Variants in PCSK5 observed in about 807,000 individuals in gnomAD.
PCSK5 encodes the protein prohormone convertase 5.
Under a neutral mutation model 233.2 loss-of-function variants are expected in PCSK5, and 129 were observed. The observed-to-expected ratio is 0.55, with a 90% CI of 0.48 to 0.64. The LOEUF is 0.64. Among genes scored for constraint, PCSK5 ranks in the 30% least tolerant of loss-of-function variants. PCSK5 has a pLI of 0.00. For synonymous variants in PCSK5, 825 were observed against 879.2 expected (o/e 0.94, Z 1.09); for missense variants, 2,076 against 2,430.1 (o/e 0.85, Z 3.06).
At chr9:76,307,903 G>A (rs144568341) in intron 28 of PCSK5, among the ~76,000 whole-genome samples, 45 of 152,154 alleles carry the variant, frequency 3.0e-4, no homozygotes, top group Non-Finnish European at 1.3e-4. Flanking sequence ...GGAGTGAAGA[G>A]AAATGGTCAT....
At chr9:76,135,320 G>A (rs1283597935) in intron 10 of PCSK5, among the ~76,000 whole-genome samples, 4 of 151,716 alleles carry the variant, frequency 2.6e-5, no homozygotes, top group Admixed American at 2.6e-4. Flanking sequence ...ATTTATTATA[G>A]ACTCATGCTG....
At chr9:75,929,004 C>T (rs535960670) in intron 1 of PCSK5, among the ~76,000 whole-genome samples, 150 of 152,084 alleles carry the variant, frequency 9.9e-4, no homozygotes, top group African/African-American at 3.4e-3. Context: ...GGCACGATCT[C>T]GGCCCACTGC....
chr9:76,137,508 G>T (rs968892445), intron 10 of PCSK5, among the ~76,000 whole-genome samples: 1 of 151,884 alleles, frequency 6.6e-6, no homozygotes, highest in African/African-American at 2.4e-5. Flanking sequence ...ATCTTTTCTG[G>T]TAGATTAGTT....
chr9:76,237,952 A>C (rs1826301909), intron 22 of PCSK5, among the ~76,000 whole-genome samples: 1 of 152,212 alleles, frequency 6.6e-6, no homozygotes, highest in Admixed American at 6.5e-5. Flanking sequence ...GGTTAGTGCT[A>C]TCTTTATCCA....
At chr9:75,951,985 A>G (rs1219879636) in intron 2 of PCSK5, among the ~76,000 whole-genome samples, 1 of 152,198 alleles carries the variant, frequency 6.6e-6, no homozygotes, top group Non-Finnish European at 1.5e-5. Context: ...ACAAATTTCA[A>G]CCATACAGCC....
At chr9:76,116,025 T>A (rs2131702595) in intron 9 of PCSK5, among the ~76,000 whole-genome samples, 1 of 152,244 alleles carries the variant, frequency 6.6e-6, no homozygotes, top group South Asian at 2.1e-4. Flanking sequence ...GTTTTTGTAT[T>A]AACTGATACC....
chr9:76,000,169 T>C (rs1244370157), intron 3 of PCSK5, among the ~76,000 whole-genome samples: 2 of 152,178 alleles, frequency 1.3e-5, no homozygotes, highest in Non-Finnish European at 2.9e-5. Context: ...TTTTTTCTCC[T>C]TTGAAAATTT....
intron 24 of PCSK5, among the ~76,000 whole-genome samples, chr9:76,250,574 A>G (rs1293065340): frequency 6.6e-6 from 1 of 152,222 alleles, no homozygotes; most frequent in African/African-American, 2.4e-5. Context: ...AAAATATCAG[A>G]CAAATCCCAA....
intron 2 of PCSK5, among the ~76,000 whole-genome samples, chr9:75,974,689 AC>A (rs1159958573): frequency 6.6e-6 from 1 of 152,062 alleles, no homozygotes; most frequent in East Asian, 1.9e-4. Flanking sequence ...CAAGTCAGAG[AC>A]CTTCCCCCAA....
chr9:76,026,475 C>G (rs1828430060), intron 4 of PCSK5, among the ~76,000 whole-genome samples: 2 of 152,044 alleles, frequency 1.3e-5, no homozygotes, highest in African/African-American at 4.8e-5. Context: ...AATTGGCTTG[C>G]CAATGATATG....
chr9:75,941,101 T>C (rs1410144666), intron 2 of PCSK5, among the ~76,000 whole-genome samples: 2 of 152,230 alleles, frequency 1.3e-5, no homozygotes, highest in African/African-American at 4.8e-5. Context: ...AGGCCACTGC[T>C]GCATTGCCTC....
At chr9:76,190,332 ATT>A (rs3077112) in intron 20 of PCSK5, among the ~76,000 whole-genome samples, 19,101 of 145,976 alleles carry the variant, frequency 0.13, 1,254 homozygotes, top group South Asian at 0.16. Flanking sequence ...CCCACTACTG[ATT>A]TTTTTTTTTT....
At chr9:76,087,293 G>C (rs1831104307) in intron 7 of PCSK5, among the ~76,000 whole-genome samples, 1 of 152,222 alleles carries the variant, frequency 6.6e-6, no homozygotes, top group African/African-American at 2.4e-5. Context: ...TATTCTAGCA[G>C]ATATGGTGGA....
At chr9:76,133,428 C>G (rs1564051646) in intron 9 of PCSK5, among the ~76,000 whole-genome samples, 1 of 151,998 alleles carries the variant, frequency 6.6e-6, no homozygotes. Flanking sequence ...TCAGTAGTCT[C>G]TTTTGTGTTC....
chr9:76,338,445 A>G lies in PCSK5; in HGVS notation c.4964A>G (p.Lys1655Arg). 1 of 1,602,400 alleles carries G rather than the reference A, an allele frequency of 6.2e-7. No homozygotes were observed. The highest frequency in any genetic ancestry group is 8.5e-7 in the Non-Finnish European group (1 of 1,170,350). Residue 1655 changes from lysine (K) to arginine (R), a missense_variant and splice_region_variant, in exon 35 of 38, where the codon AAA (lysine) becomes AGA (arginine). Lys to Arg is a conservative substitution (Grantham distance 26, BLOSUM62 2). Around this residue, in one of 6 missense-constraint regions of PCSK5, gnomAD observed 1,510 missense variants for 1,538.1 expected, o/e 0.98. Coordinates refer to ENST00000674117, the MANE Select transcript of PCSK5 (RefSeq NM_001372043.1). ...ERCHPTCDQC[K>R]GKGALNCLSC... ...TGCCATCCGACTTGTGATCAATGCA[A>G]AGGTGAGAGTCTACCTGTCATTTTG...
At chr9:75,939,369 A>G (rs960721386) in intron 2 of PCSK5, among the ~76,000 whole-genome samples, 1 of 152,134 alleles carries the variant, frequency 6.6e-6, no homozygotes, top group Non-Finnish European at 1.5e-5. Context: ...TTTCTTTTTG[A>G]CTTGACAACA....
At chr9:76,318,831 A>G (rs1829107787) in intron 30 of PCSK5, among the ~76,000 whole-genome samples, 1 of 152,226 alleles carries the variant, frequency 6.6e-6, no homozygotes. Context: ...AATGTTTTTA[A>G]AATTTATTAA....
Position 76,292,641 on chromosome 9 carries a change from G to A in PCSK5, c.3185+366G>A, listed in dbSNP as rs184854489. Reference sequence around the variant, plus strand: ...ATACTGCGTCCTTAACCAGAGCGAAGGCTCCAGGGTGAAGCCAGGTGCTAT... The same window carrying A: ...ATACTGCGTCCTTAACCAGAGCGAAAGCTCCAGGGTGAAGCCAGGTGCTAT... On this transcript the variant is annotated intron_variant, in intron 25 of 37. Coordinates refer to ENST00000674117, the MANE Select transcript of PCSK5 (RefSeq NM_001372043.1). Among the ~76,000 whole-genome samples, 8 of 152,304 alleles carry A rather than the reference G, an allele frequency of 5.3e-5. No homozygotes were observed. The East Asian group carries it at 1.4e-3, about 26-fold the overall frequency.
At chr9:76,249,483 G>C (rs1826732547) in intron 24 of PCSK5, among the ~76,000 whole-genome samples, 1 of 152,080 alleles carries the variant, frequency 6.6e-6, no homozygotes, top group South Asian at 2.1e-4. Flanking sequence ...TTTTTATTTT[G>C]AGACAGTGCT....
Sources: allele counts gnomAD v4.1 joint callset (sites outside exome capture counted in the v4.1 genomes callset), GRCh38; gene constraint gnomAD v4.1.1; regional missense constraint gnomAD v4.1.1; transcripts MANE v1.5; gene names NCBI Gene and HGNC (gene_info 2026-07-23, HGNC 2026-07-21).